The following ADGRL3 variants were observed in gnomAD, a reference collection of about 807,000 sequenced individuals.
ADGRL3 encodes adhesion G protein-coupled receptor L3.
Under a neutral mutation model 153.5 loss-of-function variants are expected in ADGRL3, and 62 were observed. The observed-to-expected ratio is 0.40, with a 90% confidence interval of 0.33 to 0.50. ADGRL3 has a LOEUF of 0.50. Ranked by LOEUF, ADGRL3 falls within the 20% of genes least tolerant of loss-of-function variation. The probability of loss-of-function intolerance (pLI) is 0.47; values close to 1 mark genes in which losing one functional copy is unlikely to be tolerated. For missense variants in ADGRL3, 1,641 were observed against 1,859.4 expected, an observed-to-expected ratio of 0.88 and a Z score of 2.16; for synonymous variants, 710 against 672.5, an observed-to-expected ratio of 1.06 and a Z score of -0.86.
chr4:61,444,353 A>G (rs1443826937), intron 2 of ADGRL3, among the ~76,000 whole-genome samples: 1 of 152,088 alleles, frequency 6.6e-6, no homozygotes, highest in East Asian at 1.9e-4. Flanking sequence ...AGACACACCT[A>G]CCTGCTTTCT....
At chr4:61,707,416 A>G (rs917673659) in intron 6 of ADGRL3, among the ~76,000 whole-genome samples, 3 of 152,202 alleles carry the variant, frequency 2.0e-5, no homozygotes, top group African/African-American at 4.8e-5. Context: ...ATGAAGCTCA[A>G]TAAAATGAAA....
intron 8 of ADGRL3, among the ~76,000 whole-genome samples, chr4:61,799,289 C>G (rs1412897897): frequency 6.6e-6 from 1 of 151,822 alleles, no homozygotes; most frequent in East Asian, 1.9e-4. Flanking sequence ...AATTCTATGA[C>G]AGGGACTAGC....
chr4:61,608,477 T>G (rs983665704), intron 5 of ADGRL3, among the ~76,000 whole-genome samples: 4 of 151,986 alleles, frequency 2.6e-5, no homozygotes, highest in Admixed American at 6.6e-5. Context: ...CTGAGGCGAA[T>G]ATTAGAAATG....
intron 1 of ADGRL3, among the ~76,000 whole-genome samples, chr4:61,207,998 G>A (rs917842552): frequency 2.0e-5 from 3 of 152,118 alleles, no homozygotes; most frequent in African/African-American, 7.2e-5. Context: ...TAATTATTTG[G>A]CATTTTCATT....
At chr4:61,763,247 G>A (rs1336666408) in intron 8 of ADGRL3, among the ~76,000 whole-genome samples, 2 of 150,172 alleles carry the variant, frequency 1.3e-5, no homozygotes, top group East Asian at 3.9e-4. Flanking sequence ...GAGTGCAGTG[G>A]TGTTATCTTG....
rs1467107505 is a variant in ADGRL3 at position 62,037,819 on chromosome 4, G to A, written c.3680G>A (p.Gly1227Asp). ...ESSIGSGKTS[G>D]SRTPGRYSTG... ...TCCATTGGTTCAGGGAAAACATCTGGTTCTCGAACTCCTGGACGCTACTCC... is the reference window on the plus strand; with the variant it reads ...TCCATTGGTTCAGGGAAAACATCTGATTCTCGAACTCCTGGACGCTACTCC... The change falls in exon 24 of 27, where the codon GGT (glycine) becomes GAT (aspartate). Residue 1227 changes from glycine to aspartate, a missense_variant. Physicochemically the swap from Gly to Asp is moderately conservative, Grantham distance 94. Transcript: ENST00000683033. 2 of 1,613,704 alleles carry A rather than the reference G, an allele frequency of 1.2e-6. No individual in the cohort carries two copies. Among genetic ancestry groups the A allele is most frequent in the South Asian group, 2.2e-5 (2 of 91,074 alleles).
intron 9 of ADGRL3, among the ~76,000 whole-genome samples, chr4:61,874,985 T>C (rs1362031921): frequency 6.6e-6 from 1 of 151,214 alleles, no homozygotes; most frequent in Non-Finnish European, 1.5e-5. Context: ...ATTTTTTGTA[T>C]TTTTAGTAGA....
In ADGRL3 at chr4:61,356,584, A is replaced by G. The variant is rs1285125878; in HGVS notation, c.-239-26540A>G. Reference sequence around the variant, plus strand: ...GTAAGCACTTTGTAATACTGCAGTGAAGCAAACACATGTCATTCCATGGAG... The same window carrying G: ...GTAAGCACTTTGTAATACTGCAGTGGAGCAAACACATGTCATTCCATGGAG... On this transcript the variant is annotated intron_variant, in intron 1 of 26. Transcript: ENST00000683033. 2.0e-5 allele frequency among the ~76,000 whole-genome samples: 3 copies of G among 152,078 alleles called. No homozygotes were observed. In the East Asian group the frequency reaches 5.8e-4, roughly 29 times the overall value.
At chr4:61,869,367 G>A (rs1442159718) in intron 9 of ADGRL3, among the ~76,000 whole-genome samples, 1 of 151,980 alleles carries the variant, frequency 6.6e-6, no homozygotes, top group African/African-American at 2.4e-5. Context: ...GGGAGGCCGA[G>A]GCGGGTGGAT....
chr4:61,281,421 T>A (rs1256162115), intron 1 of ADGRL3, among the ~76,000 whole-genome samples: 1 of 152,192 alleles, frequency 6.6e-6, no homozygotes, highest in Non-Finnish European at 1.5e-5. Flanking sequence ...CTGTAGGCTC[T>A]AATGAGAACT....
intron 2 of ADGRL3, among the ~76,000 whole-genome samples, chr4:61,495,546 G>C (rs946375647): frequency 6.6e-6 from 1 of 151,760 alleles, no homozygotes; most frequent in African/African-American, 2.4e-5. Context: ...AAGAAAGGAA[G>C]GAAGGAAGGC....
At chr4:61,425,612 C>A (rs947782451) in intron 2 of ADGRL3, among the ~76,000 whole-genome samples, 14 of 152,208 alleles carry the variant, frequency 9.2e-5, no homozygotes, top group African/African-American at 2.4e-4. Flanking sequence ...CTGCCAGTGG[C>A]TTCTGCCCAG....
intron 21 of ADGRL3, among the ~76,000 whole-genome samples, chr4:61,999,087 C>T (rs551691832): frequency 1.3e-5 from 2 of 152,148 alleles, no homozygotes; most frequent in South Asian, 2.1e-4. Context: ...GATAAAGAAA[C>T]CTTCCTAATG....
At chr4:61,620,822 G>T (rs771765620) in intron 5 of ADGRL3, among the ~76,000 whole-genome samples, 23 of 151,512 alleles carry the variant, frequency 1.5e-4, no homozygotes, top group Non-Finnish European at 2.9e-4. Flanking sequence ...TGTATTTTTA[G>T]TAGAGACGGG....
chr4:61,865,249 C>T (rs1212118250), intron 9 of ADGRL3, among the ~76,000 whole-genome samples: 3 of 142,926 alleles, frequency 2.1e-5, no homozygotes, highest in Admixed American at 1.4e-4. Flanking sequence ...TTGCCCACCC[C>T]CATATACAAG....
At chr4:61,914,428 G>T (rs1043003226) in intron 13 of ADGRL3, among the ~76,000 whole-genome samples, 1 of 152,076 alleles carries the variant, frequency 6.6e-6, no homozygotes, top group Non-Finnish European at 1.5e-5. Context: ...ATTTGGGAAT[G>T]ACCCCAAGAA....
intron 6 of ADGRL3, among the ~76,000 whole-genome samples, chr4:61,682,726 C>T (rs1401148162): frequency 6.6e-6 from 1 of 151,890 alleles, no homozygotes; most frequent in Non-Finnish European, 1.5e-5. Context: ...CTCACAGGTT[C>T]TAGTCATAAA....
chr4:61,253,790 T>G (rs1477604375), intron 1 of ADGRL3, among the ~76,000 whole-genome samples: 1 of 152,186 alleles, frequency 6.6e-6, no homozygotes, highest in Non-Finnish European at 1.5e-5. Flanking sequence ...AATTTATTTC[T>G]AGAATTACTT....
intron 9 of ADGRL3, among the ~76,000 whole-genome samples, chr4:61,814,990 G>A (rs745584778): frequency 1.4e-4 from 22 of 152,022 alleles, no homozygotes; most frequent in Non-Finnish European, 1.9e-4. Flanking sequence ...CTGAGCCATC[G>A]GGTCTGCGCT....
Sources: allele counts gnomAD v4.1 joint callset (sites outside exome capture counted in the v4.1 genomes callset), GRCh38; gene constraint gnomAD v4.1.1; transcripts MANE v1.5; gene names NCBI Gene and HGNC (gene_info 2026-07-23, HGNC 2026-07-21).